The following YES1 variants were observed in gnomAD, a reference collection of about 807,000 sequenced individuals.
The protein encoded by YES1 is tyrosine-protein kinase Yes.
A neutral mutation model predicts 70.4 loss-of-function variants in YES1; 39 were observed. That is an observed-to-expected ratio of 0.55 (90% confidence interval 0.43 to 0.72). The LOEUF (loss-of-function observed/expected upper bound fraction) is 0.72. Among genes scored for constraint, YES1 ranks in the 30% least tolerant of loss-of-function variants. The pLI, the probability that YES1 is intolerant of heterozygous loss-of-function variation, is 0.00. For missense variants in YES1, 495 were observed against 644.8 expected, an observed-to-expected ratio of 0.77 and a Z score of 2.52; for synonymous variants, 198 against 218.6, an observed-to-expected ratio of 0.91 and a Z score of 0.83.
At chr18:759,912 A>C (rs1174298573) in intron 1 of YES1, among the ~76,000 whole-genome samples, 1 of 127,206 alleles carries the variant, frequency 7.9e-6, no homozygotes, top group Non-Finnish European at 1.5e-5. Flanking sequence ...TCCTGTGTCC[A>C]AGTGTTCTCA....
Position 740,597 on chromosome 18 carries a change from G to A in YES1, c.1061-786C>T, listed in dbSNP as rs575825468. Among the ~76,000 whole-genome samples, 10 of 152,304 alleles carry A rather than the reference G, an allele frequency of 6.6e-5. No homozygotes were observed. In the East Asian group the frequency reaches 1.5e-3, roughly 24 times the overall value. Reference sequence around the variant, plus strand: ...CATGAAAAAATCATGAAAACAAAGAGCAGAACAGTGGGTTTATGCTGGAGT... The same window carrying A: ...CATGAAAAAATCATGAAAACAAAGAACAGAACAGTGGGTTTATGCTGGAGT... On this transcript the variant is annotated intron_variant, in intron 8 of 11. Transcript: ENST00000314574.
intron 1 of YES1, among the ~76,000 whole-genome samples, chr18:796,536 G>A (rs1229540876): frequency 2.6e-5 from 4 of 152,136 alleles, no homozygotes; most frequent in Non-Finnish European, 2.9e-5. Flanking sequence ...TTGGGAGACC[G>A]AGGCGGGCAG....
intron 1 of YES1, among the ~76,000 whole-genome samples, chr18:776,887 AC>A (rs1288570882): frequency 6.6e-6 from 1 of 152,170 alleles, no homozygotes; most frequent in East Asian, 1.9e-4. Context: ...TAAAACCTCA[AC>A]CCTTAACCAG....
chr18:760,241 G>A (rs1029882895), intron 1 of YES1, among the ~76,000 whole-genome samples: 42 of 152,162 alleles, frequency 2.8e-4, no homozygotes, highest in Non-Finnish European at 4.0e-4. Context: ...GGGACAAGGC[G>A]GGTGGATCAC....
chr18:799,641 A>G (rs1906718125), intron 1 of YES1, among the ~76,000 whole-genome samples: 1 of 152,134 alleles, frequency 6.6e-6, no homozygotes, highest in East Asian at 1.9e-4. Context: ...AGGTGGAGGT[A>G]GCAGTGAGCT....
intron 1 of YES1, among the ~76,000 whole-genome samples, chr18:763,322 G>A (rs1904689691): frequency 6.6e-6 from 1 of 152,130 alleles, no homozygotes; most frequent in Non-Finnish European, 1.5e-5. Flanking sequence ...ACAAAAGGAT[G>A]AATTATACAG....
At chr18:732,453 A>AAC (rs2080103258) in intron 11 of YES1, among the ~76,000 whole-genome samples, 1 of 147,076 alleles carries the variant, frequency 6.8e-6, no homozygotes, top group African/African-American at 2.5e-5. Flanking sequence ...AAAAAAAAAA[A>AAC]AAAACAAAAC....
intron 1 of YES1, among the ~76,000 whole-genome samples, chr18:787,226 A>C (rs1356564842): frequency 6.6e-6 from 1 of 150,428 alleles, no homozygotes; most frequent in Non-Finnish European, 1.5e-5. Context: ...CAGCCTCCAG[A>C]GTAGCTGGGA....
At chr18:745,276 C>T (rs372763250) in intron 6 of YES1, among the ~76,000 whole-genome samples, 79 of 152,238 alleles carry the variant, frequency 5.2e-4, no homozygotes, top group African/African-American at 1.7e-3. Context: ...AAAAATGCAT[C>T]GTCAGACCAA....
intron 1 of YES1, among the ~76,000 whole-genome samples, chr18:760,949 A>G (rs978075777): frequency 6.6e-6 from 1 of 152,198 alleles, no homozygotes; most frequent in Non-Finnish European, 1.5e-5. Context: ...ATGAAAAGAA[A>G]AAGTCCAACA....
chr18:812,389 C>T (rs1264515932), upstream of YES1: 4 of 151,658 alleles, frequency 2.6e-5, no homozygotes, highest in East Asian at 5.9e-4. Context: ...GGTACCTGCG[C>T]GCGCCGCCGT....
intron 11 of YES1, among the ~76,000 whole-genome samples, chr18:725,597 A>G (rs551049228): frequency 6.6e-6 from 1 of 152,240 alleles, no homozygotes; most frequent in Admixed American, 6.5e-5. Context: ...CATCTTCATA[A>G]GTGAAATCTG....
At position 811,233 on chromosome 18, in the gene YES1, CATT is replaced by C. The variant is rs1907362805; in HGVS notation, c.-9+878_-9+880del. Among the ~76,000 whole-genome samples, 3 of 152,138 alleles carry C rather than the reference CATT, an allele frequency of 2.0e-5. 1 individual carries two copies. In the South Asian group the frequency reaches 6.2e-4, roughly 32 times the overall value. ...AAATTGTGCTTCCACCAAAGACTTT[CATT>C]ATTTCCTTTAGTAATTTATAATTAT... On this transcript the variant is annotated intron_variant, in intron 1 of 11. Coordinates refer to ENST00000314574, the MANE Select transcript of YES1 (RefSeq NM_005433.4).
intron 3 of YES1, among the ~76,000 whole-genome samples, chr18:749,738 T>C (rs531990153): frequency 2.8e-4 from 43 of 151,280 alleles, no homozygotes; most frequent in Non-Finnish European, 5.2e-4. Context: ...CGGGCGCCTG[T>C]AGTCCCAGCT....
chr18:760,348 T>G (rs1391436255), intron 1 of YES1, among the ~76,000 whole-genome samples: 1 of 152,126 alleles, frequency 6.6e-6, no homozygotes, highest in Non-Finnish European at 1.5e-5. Context: ...TGCGCACCTG[T>G]AGTCCCCGCT....
At position 748,798 on chromosome 18, in the gene YES1, A is replaced by T. The variant is rs539289492; in HGVS notation, c.372-780T>A. Among the ~76,000 whole-genome samples the T allele has an allele frequency of 8.3e-4, 34 of 41,106 alleles. 1 individual carries two copies. Among genetic ancestry groups the T allele is most frequent in the Admixed American group, 5.2e-3 (30 of 5,808 alleles). The allele number at this position is 41,106 out of a possible 152,430, so 27.0% of individuals were successfully genotyped here. Reference sequence around the variant, plus strand: ...ATACTCTTTTTTACTCATTTTAGATAAAAAAAAAAATCACAATGCTCTAAC... The same window carrying T: ...ATACTCTTTTTTACTCATTTTAGATTAAAAAAAAAATCACAATGCTCTAAC... On this transcript the variant is annotated intron_variant, in intron 3 of 11. Coordinates refer to ENST00000314574, the MANE Select transcript of YES1 (RefSeq NM_005433.4).
At chr18:772,440 C>CT (rs570337901) in intron 1 of YES1, among the ~76,000 whole-genome samples, 13 of 149,780 alleles carry the variant, frequency 8.7e-5, no homozygotes, top group South Asian at 4.2e-4. Flanking sequence ...TTTCTTTTTT[C>CT]TTTTTTTTTG....
chr18:744,719 AG>A lies in YES1; in HGVS notation c.724+988del, dbSNP rs1363794120. Among the ~76,000 whole-genome samples, 4 of 101,430 alleles carry A rather than the reference AG, an allele frequency of 3.9e-5. 1 individual carries two copies. The highest frequency in any genetic ancestry group is 3.4e-4 in the South Asian group (1 of 2,954). The allele number at this position is 101,430 out of a possible 152,430, so 66.5% of individuals were successfully genotyped here. A position where few individuals can be genotyped will look rare whatever the true frequency, so the allele number is the denominator to read the frequency against. On this transcript the variant is annotated intron_variant, in intron 6 of 11. Coordinates refer to ENST00000314574, the MANE Select transcript of YES1 (RefSeq NM_005433.4). ...TTTTTTTTTTTTTTTTTTTTTTAAG[AG>A]ATGAGGTCTTGCTATGTTGCCCAGG...
chr18:806,014 C>T (rs949552707), intron 1 of YES1, among the ~76,000 whole-genome samples: 9 of 152,180 alleles, frequency 5.9e-5, no homozygotes, highest in African/African-American at 1.7e-4. Flanking sequence ...CCTAGCACTT[C>T]CTGTTCCGTC....
Sources: allele counts gnomAD v4.1 joint callset (sites outside exome capture counted in the v4.1 genomes callset), GRCh38; gene constraint gnomAD v4.1.1; transcripts MANE v1.5; gene names NCBI Gene and HGNC (gene_info 2026-07-23, HGNC 2026-07-21).